The following CCDC148 variants were observed in gnomAD, a reference collection of about 807,000 sequenced individuals.
CCDC148 encodes the protein coiled-coil domain-containing protein 148.
CCDC148 carries 89 observed loss-of-function variants against 85.7 expected under a neutral mutation model. The ratio of observed to expected loss-of-function variants is 1.04; its 90% CI spans 0.87 to 1.24. The LOEUF is 1.24. Ranked by LOEUF, CCDC148 falls within the 50% of genes most tolerant of loss-of-function variation. The pLI, the probability that CCDC148 is intolerant of heterozygous loss-of-function variation, is 0.00. For missense variants in CCDC148, 692 were observed against 671.7 expected (o/e 1.03, Z -0.33); for synonymous variants, 230 against 213.9 (o/e 1.08, Z -0.66).
intron 9 of CCDC148, among the ~76,000 whole-genome samples, chr2:158,260,308 A>G (rs1363234007): frequency 6.6e-6 from 1 of 152,072 alleles, no homozygotes; most frequent in Non-Finnish European, 1.5e-5. Context: ...ATAAAATTCA[A>G]CATCCCTTCA....
intron 12 of CCDC148, 73 bp from the exon 13 acceptor site, chr2:158,176,734 T>G: frequency 6.6e-7 from 1 of 1,525,376 alleles, no homozygotes; most frequent in Non-Finnish European, 8.9e-7. Flanking sequence ...TATTGATGTC[T>G]AATGCCCATT....
At chr2:158,304,701 C>A (rs143148480) in intron 9 of CCDC148, among the ~76,000 whole-genome samples, 29 of 152,232 alleles carry the variant, frequency 1.9e-4, no homozygotes, top group African/African-American at 6.7e-4. Flanking sequence ...GAAGAAAAAG[C>A]TGAATCACTT....
intron 10 of CCDC148, among the ~76,000 whole-genome samples, chr2:158,222,040 C>G (rs533638444): frequency 2.0e-4 from 30 of 152,172 alleles, no homozygotes; most frequent in African/African-American, 7.0e-4. Context: ...AATTATAAAC[C>G]ATCTTTATTT....
At chr2:158,266,355 GT>G (rs2105157712) in intron 9 of CCDC148, among the ~76,000 whole-genome samples, 1 of 152,284 alleles carries the variant, frequency 6.6e-6, no homozygotes, top group South Asian at 2.1e-4. Context: ...ATAGGAATGA[GT>G]GTAGGCCTGC....
At chr2:158,177,849 T>C (rs1177337549) in intron 12 of CCDC148, among the ~76,000 whole-genome samples, 1 of 152,142 alleles carries the variant, frequency 6.6e-6, no homozygotes, top group East Asian at 1.9e-4. Context: ...ACTAGCTGTG[T>C]GACTTTGAAG....
At chr2:158,325,641 T>C (rs1254180864) in intron 7 of CCDC148, among the ~76,000 whole-genome samples, 1 of 152,162 alleles carries the variant, frequency 6.6e-6, no homozygotes, top group Non-Finnish European at 1.5e-5. Context: ...TCTACACAGA[T>C]ACCTAATGGC....
intron 10 of CCDC148, among the ~76,000 whole-genome samples, chr2:158,249,715 A>G (rs2105140683): frequency 6.6e-6 from 1 of 152,262 alleles, no homozygotes; most frequent in South Asian, 2.1e-4. Context: ...ACTGGCTTAT[A>G]GCTTTAAAAT....
At chr2:158,434,934 G>A (rs973622268) in intron 1 of CCDC148, among the ~76,000 whole-genome samples, 2 of 152,136 alleles carry the variant, frequency 1.3e-5, no homozygotes, top group African/African-American at 2.4e-5. Flanking sequence ...AGACAAAAGA[G>A]TAAAAAGAAA....
At chr2:158,393,453 G>A (rs111752880) in intron 1 of CCDC148, 4,199 of 152,202 alleles carry the variant, frequency 0.028, 75 homozygotes, top group Middle Eastern at 0.088. Flanking sequence ...TAATAGCAGG[G>A]GGCTTTCATC....
intron 1 of CCDC148, among the ~76,000 whole-genome samples, chr2:158,395,013 T>C (rs1007153584): frequency 6.6e-6 from 1 of 152,130 alleles, no homozygotes; most frequent in African/African-American, 2.4e-5. Context: ...ACAGAGTCTG[T>C]TCCTTAATCA....
At chr2:158,401,853 G>A (rs1685800282) in intron 1 of CCDC148, among the ~76,000 whole-genome samples, 1 of 152,020 alleles carries the variant, frequency 6.6e-6, no homozygotes, top group African/African-American at 2.4e-5. Flanking sequence ...TTGTTGCAAA[G>A]TGGAAATGGA....
At chr2:158,360,215 G>C (rs908680155) in intron 1 of CCDC148, among the ~76,000 whole-genome samples, 2 of 152,208 alleles carry the variant, frequency 1.3e-5, no homozygotes, top group African/African-American at 4.8e-5. Flanking sequence ...CCCTGGGACA[G>C]AGCACTTGGA....
At chr2:158,228,823 G>T (rs555606986) in intron 10 of CCDC148, among the ~76,000 whole-genome samples, 2 of 134,114 alleles carry the variant, frequency 1.5e-5, no homozygotes, top group Admixed American at 7.7e-5. Context: ...TTGGGGGGAG[G>T]GGGGAGGGAT....
chr2:158,293,989 C>A, intron 9 of CCDC148, among the ~76,000 whole-genome samples: 1 of 76,270 alleles, frequency 1.3e-5, no homozygotes, highest in African/African-American at 5.0e-5. Flanking sequence ...CCCCTCCCTC[C>A]CTCCCTCCCT....
chr2:158,329,929 A>C (rs1693004589), intron 7 of CCDC148, among the ~76,000 whole-genome samples: 1 of 152,202 alleles, frequency 6.6e-6, no homozygotes, highest in African/African-American at 2.4e-5. Flanking sequence ...GGGGTTTTCT[A>C]GATATAAAAT....
chr2:158,214,759 A>G (rs1350405992), intron 11 of CCDC148, among the ~76,000 whole-genome samples: 1 of 152,080 alleles, frequency 6.6e-6, no homozygotes, highest in Non-Finnish European at 1.5e-5. Flanking sequence ...TTGGTCACCA[A>G]TTTCTACCTA....
At chr2:158,225,951 A>G (rs905461848) in intron 10 of CCDC148, among the ~76,000 whole-genome samples, 5 of 152,258 alleles carry the variant, frequency 3.3e-5, no homozygotes, top group African/African-American at 1.2e-4. Context: ...GAAATAACTA[A>G]GATCAGAGCA....
intron 7 of CCDC148, among the ~76,000 whole-genome samples, chr2:158,331,545 C>A (rs1437801045): frequency 6.6e-6 from 1 of 152,130 alleles, no homozygotes; most frequent in African/African-American, 2.4e-5. Context: ...GAGCTGAGTT[C>A]AAATCCTGGG....
intron 7 of CCDC148, among the ~76,000 whole-genome samples, chr2:158,321,362 G>A (rs368339750): frequency 1.3e-5 from 2 of 152,062 alleles, no homozygotes; most frequent in South Asian, 2.1e-4. Flanking sequence ...TTGGGTGAGG[G>A]GTCATCTAAC....
Sources: allele counts gnomAD v4.1 joint callset (sites outside exome capture counted in the v4.1 genomes callset), GRCh38; gene constraint gnomAD v4.1.1; transcripts MANE v1.5; gene names NCBI Gene and HGNC (gene_info 2026-07-23, HGNC 2026-07-21).